ASIC5: variants seen among roughly 807,000 people sequenced by gnomAD.
The protein encoded by ASIC5 is bile acid-sensitive ion channel.
A neutral mutation model predicts 51.2 loss-of-function variants in ASIC5; 52 were observed. That is an observed-to-expected ratio of 1.02 (90% CI 0.81 to 1.28). The LOEUF is 1.28. ASIC5 is among the 50% of genes most tolerant of loss of function. The probability of loss-of-function intolerance (pLI) is 0.00; values close to 1 mark genes in which losing one functional copy is unlikely to be tolerated. For synonymous variants in ASIC5, 231 were observed against 200.7 expected, an observed-to-expected ratio of 1.15 and a Z score of -1.28; for missense variants, 635 against 595.0, an observed-to-expected ratio of 1.07 and a Z score of -0.70.
intron 4 of ASIC5, 64 bp downstream of exon 4, chr4:155,852,127 C>A: frequency 1.3e-6 from 2 of 1,578,194 alleles, no homozygotes; most frequent in Non-Finnish European, 8.7e-7. Context: ...GCCCAATAGT[C>A]TGATCAAGTT....
rs1450759750 is a variant in ASIC5, at chr4:155,840,897, G to T, written c.1009+1310C>A. On this transcript the variant is annotated intron_variant, in intron 6 of 9. Transcript: ENST00000537611. ...TCCAATGATCAGCTGGCACCACCCAGAACAAAAATCTGGCCCATCTGGTTT... is the reference window on the plus strand; with the variant it reads ...TCCAATGATCAGCTGGCACCACCCATAACAAAAATCTGGCCCATCTGGTTT... Among the ~76,000 whole-genome samples, 3 of 151,938 alleles carry T rather than the reference G, an allele frequency of 2.0e-5. No individual in the cohort carries two copies. The South Asian group carries it at 6.2e-4, about 32-fold the overall frequency.
intron 9 of ASIC5, among the ~76,000 whole-genome samples, chr4:155,830,923 C>T (rs1185916255): frequency 2.0e-5 from 3 of 152,194 alleles, no homozygotes; most frequent in Non-Finnish European, 4.4e-5. Flanking sequence ...GAAGTATAGG[C>T]TTCTCCAAGA....
chr4:155,854,270 A>G lies in ASIC5; in HGVS notation c.392T>C (p.Leu131Ser), dbSNP rs1473027397. The part of the protein sequence containing the change: ...AVAKFGVIFF[L>S]WHIVSKVLHL... ...GAGGACTTTGGATACAATGTGCCAT[A>G]AGAAAAAAATAACACCAAATTTGGC... Residue 131 changes from leucine (L) to serine (S), a missense_variant, in exon 3 of 10, where the codon TTA (leucine) becomes TCA (serine). Leu to Ser is a moderately radical substitution (Grantham distance 145). Transcript: ENST00000537611. 1 of 1,613,256 alleles carries G rather than the reference A, an allele frequency of 6.2e-7. No homozygotes were observed. Among genetic ancestry groups the G allele is most frequent in the East Asian group, 2.2e-5 (1 of 44,818 alleles).
chr4:155,851,850 T>G (rs1741388648), intron 4 of ASIC5, among the ~76,000 whole-genome samples: 2 of 152,040 alleles, frequency 1.3e-5, no homozygotes, highest in Admixed American at 6.6e-5. Context: ...ATAAACGTAT[T>G]TCTAAAATTA....
rs557641650 is a variant in ASIC5 at position 155,831,553 on chromosome 4, C to T, written c.1327+271G>A. On this transcript the variant is annotated intron_variant, in intron 9 of 9. Coordinates refer to ENST00000537611, the MANE Select transcript of ASIC5 (RefSeq NM_017419.3). Reference sequence around the variant, plus strand: ...TCAGGAGGCCAATGTGGGCGGATCACGGGGTCAGGAGATCGAGACCATCCT... The same window carrying T: ...TCAGGAGGCCAATGTGGGCGGATCATGGGGTCAGGAGATCGAGACCATCCT... 7.2e-5 allele frequency among the ~76,000 whole-genome samples: 11 copies of T among 152,238 alleles called. No individual in the cohort carries two copies. In the East Asian group the frequency reaches 1.5e-3, roughly 21 times the overall value.
At chr4:155,835,918 G>A (rs939209277) in intron 8 of ASIC5, among the ~76,000 whole-genome samples, 3 of 152,036 alleles carry the variant, frequency 2.0e-5, no homozygotes, top group Admixed American at 6.6e-5. Context: ...GAAAATGTAC[G>A]TCAACCTTAA....
intron 6 of ASIC5, among the ~76,000 whole-genome samples, chr4:155,840,009 T>C (rs1741081381): frequency 6.6e-6 from 1 of 152,170 alleles, no homozygotes; most frequent in Admixed American, 6.6e-5. Flanking sequence ...TATTCATATA[T>C]CAGTACACTT....
Position 155,847,797 on chromosome 4 carries a change from G to A in ASIC5, c.712-3967C>T, listed in dbSNP as rs375785381. ...AGAAATTAAAGCCATTCAACTCCTC[G>A]AGGCCTAGGGACTATTGAGGAAGAG... On this transcript the variant is annotated intron_variant, in intron 4 of 9. Transcript: ENST00000537611. Among the ~76,000 whole-genome samples the A allele has an allele frequency of 1.6e-3, 244 of 152,026 alleles. 10 individuals carry two copies. The South Asian group carries it at 0.048, about 30-fold the overall frequency.
chr4:155,854,111 T>C lies in ASIC5; in HGVS notation c.551A>G (p.Asp184Gly). 6.2e-7 allele frequency: 1 copy of C among 1,613,128 alleles called. No homozygotes were observed. Among genetic ancestry groups the C allele is most frequent in the Non-Finnish European group, 8.5e-7 (1 of 1,179,454 alleles). The change falls in exon 3 of 10, where the codon GAC (aspartate) becomes GGC (glycine). Residue 184 changes from aspartate (D) to glycine (G), a missense_variant. Asp to Gly is a moderately conservative substitution (Grantham distance 94). Transcript: ENST00000537611. ...ACATGGCTTTCCAAAAAACTCACAG[T>C]CCAACAAAGTGCTATTGTTGAGATA... is the stretch of plus-strand genomic sequence containing the variant. ...GFYLNNSTLL[D>G]CEFFGKPCSP...
Position 155,843,698 on chromosome 4 carries a change from T to A in ASIC5, c.844A>T (p.Thr282Ser). Residue 282 changes from threonine (T) to serine (S), a missense_variant, in exon 5 of 10, where the codon ACC (threonine) becomes TCC (serine). Coordinates refer to ENST00000537611, the MANE Select transcript of ASIC5 (RefSeq NM_017419.3). The stretch of plus-strand genomic sequence containing the variant: ...GTATTTACCTTCACTTGGCGGATGG[T>A]TACCCTTGCGTGCATTCCCACAGGT... ...LSPVGMHARV[T>S]IRQVKTVHQE... 1 of 1,613,448 alleles carries A rather than the reference T, an allele frequency of 6.2e-7. No individual in the cohort carries two copies. Among genetic ancestry groups the A allele is most frequent in the Non-Finnish European group, 8.5e-7 (1 of 1,179,622 alleles).
chr4:155,833,967 G>GAA (rs1447945041), intron 8 of ASIC5, among the ~76,000 whole-genome samples: 2 of 152,170 alleles, frequency 1.3e-5, no homozygotes, highest in African/African-American at 4.8e-5. Context: ...TTACAAAATA[G>GAA]TTTCTAAAAA....
At chr4:155,840,722 C>T (rs1741096842) in intron 6 of ASIC5, among the ~76,000 whole-genome samples, 1 of 151,938 alleles carries the variant, frequency 6.6e-6, no homozygotes, top group Admixed American at 6.6e-5. Context: ...CTATATAGGG[C>T]TAACAAATTA....
intron 4 of ASIC5, among the ~76,000 whole-genome samples, chr4:155,848,626 A>T (rs1579291458): frequency 6.6e-6 from 1 of 151,996 alleles, no homozygotes; most frequent in Non-Finnish European, 1.5e-5. Flanking sequence ...TTTTTCATCC[A>T]AGGACAATTG....
intron 9 of ASIC5, among the ~76,000 whole-genome samples, 172 bp downstream of exon 9, chr4:155,831,652 T>C (rs975891322): frequency 2.6e-5 from 4 of 152,114 alleles, no homozygotes; most frequent in African/African-American, 7.2e-5. Flanking sequence ...GTGCCTGTAG[T>C]CCCAGCTACT....
chr4:155,852,095 T>C, intron 4 of ASIC5, 96 bp downstream of exon 4: 1 of 1,310,624 alleles, frequency 7.6e-7, no homozygotes. Flanking sequence ...TAATATCCAA[T>C]GTGTGGGAAC....
At chr4:155,859,324 T>C (rs6826335) in intron 2 of ASIC5, among the ~76,000 whole-genome samples, 1 of 152,132 alleles carries the variant, frequency 6.6e-6, no homozygotes, top group East Asian at 1.9e-4. Context: ...TTTATTGACA[T>C]GAATATATAG....
intron 4 of ASIC5, among the ~76,000 whole-genome samples, chr4:155,845,387 G>T (rs1741217524): frequency 1.5e-5 from 2 of 135,032 alleles, no homozygotes; most frequent in Admixed American, 8.1e-5. Flanking sequence ...CTAAGACTTT[G>T]TCTTTTTTTT....
At chr4:155,864,007 G>A (rs1741793839) in intron 1 of ASIC5, among the ~76,000 whole-genome samples, 1 of 152,168 alleles carries the variant, frequency 6.6e-6, no homozygotes, top group South Asian at 2.1e-4. Context: ...AAATGTGTTA[G>A]TGGTATGGTA....
At chr4:155,853,845 G>A (rs1303695674) in intron 3 of ASIC5, among the ~76,000 whole-genome samples, 23 of 151,786 alleles carry the variant, frequency 1.5e-4, no homozygotes, top group Admixed American at 1.5e-3. Context: ...TACAAGAAAG[G>A]CAATCAAGTT....
Sources: gnomAD v4.1 joint callset for allele counts (sites outside exome capture counted in the v4.1 genomes callset) on GRCh38, gnomAD v4.1.1 for gene constraint, MANE v1.5 for transcripts, NCBI Gene and HGNC (gene_info 2026-07-23, HGNC 2026-07-21) for gene names.